TXLNB: variants seen among roughly 807,000 people sequenced by gnomAD.
TXLNB encodes the protein taxilin beta, also known as beta-taxilin.
In TXLNB, 37 loss-of-function variants were observed where a neutral mutation model predicts 57.4. That is an observed-to-expected ratio of 0.64 (90% CI 0.50 to 0.85). The LOEUF is 0.85. Ranked by LOEUF, TXLNB falls within the 40% of genes least tolerant of loss-of-function variation. The pLI, the probability that TXLNB is intolerant of heterozygous loss-of-function variation, is 0.00. For synonymous variants in TXLNB, 302 were observed against 309.6 expected, an observed-to-expected ratio of 0.98 and a Z score of 0.26; for missense variants, 848 against 825.6, an observed-to-expected ratio of 1.03 and a Z score of -0.33.
intron 8 of TXLNB, among the ~76,000 whole-genome samples, chr6:139,247,386 T>C (rs927624265): frequency 2.0e-5 from 3 of 151,942 alleles, no homozygotes; most frequent in Non-Finnish European, 4.4e-5. Flanking sequence ...GTGATCCTCA[T>C]GCCTTGGGCT....
rs1775943386 is a variant in TXLNB, at chr6:139,241,931, A to G, written c.*595T>C. The stretch of plus-strand genomic sequence containing the variant: ...CATCTAAATATTCTGCATTGAGAAA[A>G]ATGCATTAAGGGGTGAGAGAAATGT... On this transcript the variant is annotated 3_prime_UTR_variant, in exon 10 of 10. Coordinates refer to ENST00000358430, the MANE Select transcript of TXLNB (RefSeq NM_153235.4). The G allele has an allele frequency of 2.0e-5, 3 of 152,202 alleles. No individual in the cohort carries two copies. In the South Asian group the frequency reaches 6.2e-4, roughly 31 times the overall value. The allele number at this position is 152,202 out of a possible 1,614,324, so 9.4% of individuals were successfully genotyped here.
At chr6:139,169,431 T>C in the TXLNB span, 1 of 152,216 alleles carries the variant, frequency 6.6e-6, no homozygotes, top group South Asian at 2.1e-4. Flanking sequence ...TAGCATTCTC[T>C]TCTTGTTTCA....
the TXLNB span, among the ~76,000 whole-genome samples, chr6:139,222,383 A>C: frequency 1.3e-5 from 2 of 152,226 alleles, no homozygotes; most frequent in African/African-American, 4.8e-5. Context: ...TAAGGCAATA[A>C]GCAATACTAC....
At position 139,288,621 on chromosome 6, in the gene TXLNB, T is replaced by G. The variant is rs1777234192; in HGVS notation, c.279A>C (p.Glu93Asp). 2 of 1,614,104 alleles carry G rather than the reference T, an allele frequency of 1.2e-6. No homozygotes were observed. The highest frequency in any genetic ancestry group is 1.7e-6 in the Non-Finnish European group (2 of 1,180,050). Residue 93 changes from glutamate to aspartate, a missense_variant, in exon 2 of 10, where the codon GAA (glutamate) becomes GAC (aspartate). By Grantham distance (45) the Glu-to-Asp change is conservative. Coordinates refer to ENST00000358430, the MANE Select transcript of TXLNB (RefSeq NM_153235.4). ...AGTCCCCATCCTCGTTGTCAGGTGA[T>G]TCTGCATTCTCAGGCTGCTCACTGG... is the stretch of plus-strand genomic sequence containing the variant. ...ARASEQPENA[E>D]SPDNEDGDCE...
chr6:139,302,859 G>A, the TXLNB span, among the ~76,000 whole-genome samples: 11 of 151,980 alleles, frequency 7.2e-5, no homozygotes, highest in Non-Finnish European at 1.2e-4. Flanking sequence ...TAATAAAACT[G>A]GAAAATTAAT....
At chr6:139,307,672 T>C in the TXLNB span, among the ~76,000 whole-genome samples, 409 of 152,334 alleles carry the variant, frequency 2.7e-3, 2 homozygotes, top group African/African-American at 9.4e-3. Flanking sequence ...AACCTTATTA[T>C]ACCCATTCAT....
rs1337963529 is a variant in TXLNB, at chr6:139,243,294, T to G, written c.1287A>C (p.Glu429Asp). The G allele has an allele frequency of 5.0e-6, 8 of 1,610,804 alleles. No homozygotes were observed. The highest frequency in any genetic ancestry group is 6.8e-6 in the Non-Finnish European group (8 of 1,179,796). The change falls in exon 10 of 10, where the codon GAA becomes GAC. Residue 429 changes from glutamate (E) to aspartate (D), a missense_variant. Transcript: ENST00000358430. ...CGATTTTCATCACAAAGCACTCATA[T>G]TCTTTAGCTCTCAGTGCTTTCTGTG... ...MIEEKALRAK[E>D]YECFVMKIGR...
At chr6:139,307,691 T>G in the TXLNB span, among the ~76,000 whole-genome samples, 1 of 152,198 alleles carries the variant, frequency 6.6e-6, no homozygotes, top group Admixed American at 6.5e-5. Flanking sequence ...ATTTTTTTCC[T>G]CTTCTATTCA....
At chr6:139,275,947 C>T (rs1259381705) in intron 3 of TXLNB, among the ~76,000 whole-genome samples, 1 of 152,170 alleles carries the variant, frequency 6.6e-6, no homozygotes, top group Non-Finnish European at 1.5e-5. Flanking sequence ...TATGTAGTCT[C>T]TTAAGTTGCA....
chr6:139,166,039 A>C, the TXLNB span: 23 of 400,672 alleles, frequency 5.7e-5, no homozygotes, highest in Non-Finnish European at 9.7e-5. Flanking sequence ...TATTCAGGAC[A>C]ACCTAAAGCT....
the TXLNB span, among the ~76,000 whole-genome samples, chr6:139,207,222 T>C: frequency 6.6e-6 from 1 of 152,298 alleles, no homozygotes; most frequent in South Asian, 2.1e-4. Context: ...AGATAGACCA[T>C]ATGATAGGCC....
At chr6:139,310,538 C>T in the TXLNB span, among the ~76,000 whole-genome samples, 2 of 152,222 alleles carry the variant, frequency 1.3e-5, no homozygotes, top group Non-Finnish European at 2.9e-5. Context: ...GATAGCCACT[C>T]TATCTCTCTG....
At chr6:139,316,564 C>G in the TXLNB span, among the ~76,000 whole-genome samples, 2 of 152,218 alleles carry the variant, frequency 1.3e-5, no homozygotes, top group African/African-American at 2.4e-5. Context: ...CTACAAGACC[C>G]TGTTGCAGTG....
chr6:139,213,295 A>G, the TXLNB span, among the ~76,000 whole-genome samples: 1 of 152,234 alleles, frequency 6.6e-6, no homozygotes, highest in African/African-American at 2.4e-5. Context: ...CCACAGTGCA[A>G]TCAAACTAGA....
At chr6:139,296,488 C>T (rs1159713343), upstream of TXLNB, among the ~76,000 whole-genome samples, 2 of 152,114 alleles carry the variant, frequency 1.3e-5, no homozygotes, top group African/African-American at 4.8e-5. Flanking sequence ...TGAAGTTTCA[C>T]AATGATTAAA....
intron 9 of TXLNB, 130 bp from the exon 10 acceptor site, chr6:139,243,444 G>T: frequency 1.1e-6 from 1 of 932,016 alleles, no homozygotes; most frequent in Non-Finnish European, 1.6e-6. Context: ...CTGGGACCTG[G>T]CTACAGAGTA....
the TXLNB span, among the ~76,000 whole-genome samples, chr6:139,300,999 C>T: frequency 6.5e-3 from 986 of 152,280 alleles, 8 homozygotes; most frequent in African/African-American, 0.022. Context: ...GTTTCAGGGC[C>T]CCCATTCTGT....
chr6:139,166,695 C>T, the TXLNB span: 14 of 1,611,746 alleles, frequency 8.7e-6, 1 homozygote, highest in South Asian at 1.5e-4. Context: ...TGCAGGCCCC[C>T]AAATAAGCCC....
the TXLNB span, among the ~76,000 whole-genome samples, chr6:139,161,033 G>A: frequency 6.6e-6 from 1 of 151,998 alleles, no homozygotes; most frequent in African/African-American, 2.4e-5. Context: ...TTTGGACAAT[G>A]TGTGTGTGTG....
Sources: allele counts gnomAD v4.1 joint callset (sites outside exome capture counted in the v4.1 genomes callset), GRCh38; gene constraint gnomAD v4.1.1; transcripts MANE v1.5; gene names NCBI Gene and HGNC (gene_info 2026-07-23, HGNC 2026-07-21).